Variants in IFT43 observed in about 807,000 individuals in gnomAD.
IFT43 encodes intraflagellar transport 43.
In IFT43, 33 loss-of-function variants were observed where a neutral mutation model predicts 32.3. That is an observed-to-expected ratio of 1.02 (90% CI 0.77 to 1.37). The LOEUF (loss-of-function observed/expected upper bound fraction) is 1.37, where lower values mean the gene tolerates loss of function less well. Ranked by LOEUF, IFT43 falls within the 40% of genes most tolerant of loss-of-function variation. IFT43 has a pLI of 0.00. For synonymous variants in IFT43, 93 were observed against 98.2 expected (o/e 0.95, Z 0.31); for missense variants, 274 against 265.9 (o/e 1.03, Z -0.21).
chr14:76,075,265 A>T (rs2037392510), intron 5 of IFT43, among the ~76,000 whole-genome samples: 1 of 152,246 alleles, frequency 6.6e-6, no homozygotes, highest in Admixed American at 6.5e-5. Flanking sequence ...TAACGAGCAC[A>T]GCCCTGGACC....
intron 3 of IFT43, among the ~76,000 whole-genome samples, chr14:76,031,306 T>A (rs538838626): frequency 6.6e-6 from 1 of 152,316 alleles, no homozygotes; most frequent in Non-Finnish European, 1.5e-5. Context: ...CAGCACCACT[T>A]ATTTAAAAAT....
intron 7 of IFT43, 22 bp from the exon 8 acceptor site, chr14:76,083,205 C>CT (rs922208811): frequency 1.2e-6 from 2 of 1,614,046 alleles, no homozygotes; most frequent in Admixed American, 3.3e-5. Context: ...TCAGCCTGAC[C>CT]TTTTTTTGTT....
At chr14:76,006,303 G>A (rs138492974) in intron 2 of IFT43, among the ~76,000 whole-genome samples, 54 of 152,286 alleles carry the variant, frequency 3.5e-4, no homozygotes, top group African/African-American at 1.3e-3. Context: ...GGGTCTTTCT[G>A]TGCAGCCTCA....
chr14:75,989,958 C>G (rs921334677), intron 2 of IFT43, among the ~76,000 whole-genome samples: 1 of 152,236 alleles, frequency 6.6e-6, no homozygotes, highest in Admixed American at 6.5e-5. Context: ...CTTAAGCTCT[C>G]CACATGGCCT....
intron 3 of IFT43, among the ~76,000 whole-genome samples, chr14:76,049,430 A>T (rs2036870204): frequency 6.8e-6 from 1 of 147,660 alleles, no homozygotes; most frequent in Non-Finnish European, 1.5e-5. Flanking sequence ...CTAGCTAATA[A>T]AGTTTGTAGT....
chr14:76,028,303 G>T (rs2036443067), intron 3 of IFT43, among the ~76,000 whole-genome samples: 2 of 152,078 alleles, frequency 1.3e-5, no homozygotes, highest in Admixed American at 1.3e-4. Context: ...ATGGATCCTT[G>T]CCTGAATCAG....
intron 5 of IFT43, among the ~76,000 whole-genome samples, chr14:76,060,006 T>C (rs1298389599): frequency 6.6e-6 from 1 of 152,212 alleles, no homozygotes; most frequent in Non-Finnish European, 1.5e-5. Flanking sequence ...ACATGTTCTT[T>C]ATCTTTGCAT....
At chr14:75,999,227 T>TTATATATATATA (rs1162371057) in intron 2 of IFT43, among the ~76,000 whole-genome samples, 2 of 96,136 alleles carry the variant, frequency 2.1e-5, no homozygotes, top group African/African-American at 5.3e-5. Flanking sequence ...TAAATTCATT[T>TTATATATATATA]TATATATATA....
In IFT43 at chr14:76,009,321, A is replaced by G. The variant is rs1277373519; in HGVS notation, c.148-13006A>G. Among the ~76,000 whole-genome samples, 3 of 152,262 alleles carry G rather than the reference A, an allele frequency of 2.0e-5. No homozygotes were observed. In the East Asian group the frequency reaches 5.8e-4, roughly 29 times the overall value. On this transcript the variant is annotated intron_variant, in intron 2 of 8. Transcript: ENST00000314067. Reference sequence around the variant, plus strand: ...CTCATCAGTAAACTTAGTATGTAGTAGTACCCACTTCATCATATCATAAGA... The same window carrying G: ...CTCATCAGTAAACTTAGTATGTAGTGGTACCCACTTCATCATATCATAAGA...
intron 5 of IFT43, among the ~76,000 whole-genome samples, chr14:76,074,784 T>C (rs1489275483): frequency 2.0e-5 from 3 of 152,170 alleles, no homozygotes; most frequent in Admixed American, 6.5e-5. Context: ...GACGTGCTTG[T>C]AAACCCCCTT....
intron 3 of IFT43, among the ~76,000 whole-genome samples, chr14:76,039,643 G>A (rs1034908065): frequency 6.6e-6 from 1 of 152,086 alleles, no homozygotes; most frequent in Non-Finnish European, 1.5e-5. Flanking sequence ...AACTACTGGT[G>A]AATTTTATTT....
At chr14:76,022,907 A>G (rs565850121) in intron 3 of IFT43, among the ~76,000 whole-genome samples, 2 of 152,358 alleles carry the variant, frequency 1.3e-5, no homozygotes, top group East Asian at 1.9e-4. Context: ...CCCCTGACAT[A>G]TATCAGTCAT....
chr14:76,020,825 A>G (rs1349411454), intron 2 of IFT43, among the ~76,000 whole-genome samples: 2 of 150,766 alleles, frequency 1.3e-5, no homozygotes, highest in Admixed American at 1.3e-4. Context: ...GGATCTGGGC[A>G]GGTCAGTCCT....
rs1566741326 is a variant in IFT43 at position 76,083,735 on chromosome 14, C to T, written c.*158C>T. On this transcript the variant is annotated 3_prime_UTR_variant, in exon 9 of 9. Coordinates refer to ENST00000314067, the MANE Select transcript of IFT43 (RefSeq NM_001102564.3). Reference sequence around the variant, plus strand: ...ATTCAATTGCAATAAATTGCTTATTCTGTGCCATCTCCTCCATTTCTTTCC... The same window carrying T: ...ATTCAATTGCAATAAATTGCTTATTTTGTGCCATCTCCTCCATTTCTTTCC... The T allele has an allele frequency of 1.3e-6, 1 of 747,228 alleles. No homozygotes were observed. The highest frequency in any genetic ancestry group is 2.7e-5 in the East Asian group (1 of 37,260). 46.3% of individuals were successfully genotyped at this position (747,228 alleles called of 1,614,324 possible).
chr14:76,082,020 C>T (rs1212276256), intron 5 of IFT43, among the ~76,000 whole-genome samples: 7 of 152,184 alleles, frequency 4.6e-5, no homozygotes, highest in African/African-American at 7.2e-5. Flanking sequence ...CTGTTGCACG[C>T]GTCAGAATCA....
chr14:75,991,359 T>TTA (rs370792084), intron 2 of IFT43, among the ~76,000 whole-genome samples: 1,489 of 141,568 alleles, frequency 0.011, 25 homozygotes, highest in African/African-American at 0.03. Context: ...AGAGTATATA[T>TTA]TATATATATA....
intron 1 of IFT43, among the ~76,000 whole-genome samples, chr14:75,988,638 C>T (rs1482480681): frequency 6.6e-6 from 1 of 152,182 alleles, no homozygotes; most frequent in Non-Finnish European, 1.5e-5. Flanking sequence ...CCCGCCTCAG[C>T]CTCCCAAATA....
intron 2 of IFT43, among the ~76,000 whole-genome samples, chr14:75,994,448 T>C (rs1034214777): frequency 3.3e-5 from 5 of 152,216 alleles, no homozygotes; most frequent in Non-Finnish European, 7.3e-5. Context: ...ATGAACTCTT[T>C]GTGTGATTTT....
intron 3 of IFT43, among the ~76,000 whole-genome samples, chr14:76,041,749 T>C (rs1009259007): frequency 2.3e-5 from 1 of 44,346 alleles, no homozygotes; most frequent in Non-Finnish European, 5.9e-5. Flanking sequence ...CAAAAGTCTG[T>C]GTTTTTTTTT....
Sources: allele counts gnomAD v4.1 joint callset (sites outside exome capture counted in the v4.1 genomes callset), GRCh38; gene constraint gnomAD v4.1.1; transcripts MANE v1.5; gene names NCBI Gene and HGNC (gene_info 2026-07-23, HGNC 2026-07-21).